FRMD4B: variants seen among roughly 807,000 people sequenced by gnomAD.
FRMD4B encodes the protein FERM domain-containing protein 4B.
A neutral mutation model predicts 141.5 loss-of-function variants in FRMD4B; 74 were observed. That is an observed-to-expected ratio of 0.52 (90% confidence interval 0.43 to 0.63). FRMD4B has a LOEUF of 0.63. FRMD4B is among the 30% of genes least tolerant of loss of function. FRMD4B has a pLI of 0.00. For missense variants in FRMD4B, 1,366 were observed against 1,253.4 expected (o/e 1.09, Z -1.36); for synonymous variants, 506 against 467.9 (o/e 1.08, Z -1.05).
At chr3:69,333,759 G>A (rs1393842565) in intron 1 of FRMD4B, among the ~76,000 whole-genome samples, 1 of 151,904 alleles carries the variant, frequency 6.6e-6, no homozygotes. Flanking sequence ...CCATTGTCTT[G>A]TTTGCTTTCC....
chr3:69,286,248 G>A (rs1700685482), intron 5 of FRMD4B, among the ~76,000 whole-genome samples: 1 of 152,222 alleles, frequency 6.6e-6, no homozygotes, highest in Non-Finnish European at 1.5e-5. Context: ...GGGTAAATAT[G>A]TAAGACTTTT....
At chr3:69,185,801 G>T (rs2092760410) in intron 19 of FRMD4B, among the ~76,000 whole-genome samples, 2 of 152,114 alleles carry the variant, frequency 1.3e-5, no homozygotes, top group African/African-American at 4.8e-5. Context: ...TAGCACTTTG[G>T]GAGGCCGAAG....
intron 7 of FRMD4B, among the ~76,000 whole-genome samples, chr3:69,231,711 G>A (rs936174944): frequency 1.7e-4 from 26 of 152,218 alleles, no homozygotes; most frequent in African/African-American, 5.5e-4. Context: ...GGGGAAAGCC[G>A]AAGTTCAAGA....
rs75061469 is a variant in FRMD4B at position 69,189,686 on chromosome 3, T to C, written c.1771+210A>G. 1.6e-3 allele frequency among the ~76,000 whole-genome samples: 237 copies of C among 152,346 alleles called. 2 individuals carry two copies. The highest frequency in any genetic ancestry group is 5.5e-3 in the African/African-American group (227 of 41,584). ...GGCATTCTGATTCGCTGAGGTCATGTGATTTTTGTGGTCCTGTTATTAACG... is the reference window on the plus strand; with the variant it reads ...GGCATTCTGATTCGCTGAGGTCATGCGATTTTTGTGGTCCTGTTATTAACG... On this transcript the variant is annotated intron_variant, in intron 18 of 22. Transcript: ENST00000398540.
chr3:69,347,094 A>G (rs958318465), intron 1 of FRMD4B, among the ~76,000 whole-genome samples: 2 of 152,228 alleles, frequency 1.3e-5, no homozygotes, highest in African/African-American at 4.8e-5. Context: ...CCCATCTCAC[A>G]TGCAGAGACA....
chr3:69,512,918 A>G (rs2107105622), intron 1 of FRMD4B, among the ~76,000 whole-genome samples: 1 of 152,364 alleles, frequency 6.6e-6, no homozygotes, highest in Admixed American at 6.5e-5. Flanking sequence ...GAAAGCAGTC[A>G]TAAGAGGAGA....
chr3:69,480,505 G>T (rs1027246745), intron 1 of FRMD4B, among the ~76,000 whole-genome samples: 1 of 152,192 alleles, frequency 6.6e-6, no homozygotes, highest in Non-Finnish European at 1.5e-5. Flanking sequence ...ATCCGCAGTG[G>T]TGGCTGCAGA....
chr3:69,242,433 C>T (rs753429014), intron 7 of FRMD4B, among the ~76,000 whole-genome samples: 9 of 147,226 alleles, frequency 6.1e-5, no homozygotes, highest in Non-Finnish European at 1.0e-4. Context: ...CTTAACTACT[C>T]TCCAGGGCAT....
intron 11 of FRMD4B, among the ~76,000 whole-genome samples, chr3:69,208,310 C>T (rs1411234522): frequency 1.3e-5 from 2 of 151,864 alleles, no homozygotes; most frequent in Non-Finnish European, 2.9e-5. Flanking sequence ...GTGATCTACC[C>T]ACCTCGGCCT....
chr3:69,460,209 A>T (rs1380708543), intron 1 of FRMD4B, among the ~76,000 whole-genome samples: 1 of 152,202 alleles, frequency 6.6e-6, no homozygotes, highest in Non-Finnish European at 1.5e-5. Context: ...GCGTTCTGGC[A>T]TGCGTGAAAG....
chr3:69,283,418 A>AAAG, intron 5 of FRMD4B, among the ~76,000 whole-genome samples: 1 of 82,386 alleles, frequency 1.2e-5, no homozygotes, highest in East Asian at 3.7e-4. Flanking sequence ...AAAACAAAAA[A>AAAG]GCAACAACAA....
At chr3:69,505,577 T>A (rs1410745869) in intron 1 of FRMD4B, among the ~76,000 whole-genome samples, 4 of 152,176 alleles carry the variant, frequency 2.6e-5, no homozygotes, top group Admixed American at 6.5e-5. Context: ...TATCAACCTC[T>A]TGAAAGTGGT....
intron 2 of FRMD4B, among the ~76,000 whole-genome samples, chr3:69,423,279 G>A (rs1408091277): frequency 6.6e-6 from 1 of 152,168 alleles, no homozygotes; most frequent in African/African-American, 2.4e-5. Flanking sequence ...CTCCCAAAGC[G>A]CTGCAATTAC....
intron 5 of FRMD4B, among the ~76,000 whole-genome samples, chr3:69,270,931 T>G (rs1237473131): frequency 6.6e-6 from 1 of 152,188 alleles, no homozygotes; most frequent in Non-Finnish European, 1.5e-5. Context: ...AACTGAAAAA[T>G]ATATATTATG....
At position 69,450,764 on chromosome 3, in the gene FRMD4B, A is replaced by G. The variant is rs920604193; in HGVS notation, c.-128-18003T>C. ...AGTGAAACTCCACCTCCAAAACAAC[A>G]ACAACAACAACAAAACCCCAACAAC... On this transcript the variant is annotated intron_variant, in intron 1 of 5. Transcript: ENST00000459638. Among the ~76,000 whole-genome samples the G allele has an allele frequency of 4.6e-5, 6 of 130,142 alleles. No homozygotes were observed. The Admixed American group carries it at 4.7e-4, about 10-fold the overall frequency. 85.4% of individuals were successfully genotyped at this position (130,142 alleles called of 152,430 possible).
intron 14 of FRMD4B, 129 bp downstream of exon 14, chr3:69,196,126 T>TACATACTTATTG: frequency 1.4e-6 from 1 of 716,348 alleles, no homozygotes; most frequent in Non-Finnish European, 2.3e-6. Flanking sequence ...AGCTGTCGCA[T>TACATACTTATTG]ACATACTTAT....
intron 1 of FRMD4B, among the ~76,000 whole-genome samples, chr3:69,377,604 G>A (rs1704006380): frequency 6.6e-6 from 1 of 152,150 alleles, no homozygotes; most frequent in Non-Finnish European, 1.5e-5. Context: ...CCCTTAAAGA[G>A]AGCTGCCTCC....
At chr3:69,499,633 G>A (rs952236518) in intron 1 of FRMD4B, among the ~76,000 whole-genome samples, 1 of 152,188 alleles carries the variant, frequency 6.6e-6, no homozygotes, top group African/African-American at 2.4e-5. Flanking sequence ...GTGTTCTGGT[G>A]AGGAATTCTC....
At chr3:69,355,846 G>T (rs527982976) in intron 1 of FRMD4B, among the ~76,000 whole-genome samples, 2 of 152,096 alleles carry the variant, frequency 1.3e-5, no homozygotes, top group Non-Finnish European at 2.9e-5. Flanking sequence ...CCAACATGGC[G>T]TAACCCCATC....
Sources: allele counts gnomAD v4.1 joint callset (sites outside exome capture counted in the v4.1 genomes callset), GRCh38; gene constraint gnomAD v4.1.1; transcripts MANE v1.5; gene names NCBI Gene and HGNC (gene_info 2026-07-23, HGNC 2026-07-21).